DRD3: variants seen among roughly 807,000 people sequenced by gnomAD.
DRD3 encodes the protein D(3) dopamine receptor.
Under a neutral mutation model 36.3 loss-of-function variants are expected in DRD3, and 19 were observed. The ratio of observed to expected loss-of-function variants is 0.52; its 90% confidence interval spans 0.36 to 0.77. The LOEUF (loss-of-function observed/expected upper bound fraction) is 0.77, where lower values mean the gene tolerates loss of function less well. Ranked by LOEUF, DRD3 falls within the 30% of genes least tolerant of loss-of-function variation. The pLI, the probability that DRD3 is intolerant of heterozygous loss-of-function variation, is 0.00. For missense variants in DRD3, 465 were observed against 505.3 expected (o/e 0.92, Z 0.77); for synonymous variants, 195 against 203.7 (o/e 0.96, Z 0.36).
chr3:114,179,535 A>G (rs995850677), upstream of DRD3, among the ~76,000 whole-genome samples: 1 of 152,168 alleles, frequency 6.6e-6, no homozygotes, highest in African/African-American at 2.4e-5. Flanking sequence ...ACCTTTTTTA[A>G]AACTGGTTTG....
chr3:114,189,191 G>A (rs573667422), intron 1 of DRD3, among the ~76,000 whole-genome samples: 1 of 152,204 alleles, frequency 6.6e-6, no homozygotes, highest in East Asian at 1.9e-4. Context: ...TTTTAATCCA[G>A]CCTATATCGT....
chr3:114,176,463 C>T (rs918647740), intron 1 of DRD3, among the ~76,000 whole-genome samples: 19 of 151,920 alleles, frequency 1.3e-4, no homozygotes, highest in Admixed American at 1.2e-3. Context: ...AAATTAGCTG[C>T]GTGTGATGCC....
chr3:114,164,006 A>G (rs975089337), intron 2 of DRD3, among the ~76,000 whole-genome samples: 5 of 151,920 alleles, frequency 3.3e-5, no homozygotes, highest in South Asian at 2.1e-4. Context: ...GGATAACTTG[A>G]GGTCAGGAGT....
intron 1 of DRD3, among the ~76,000 whole-genome samples, chr3:114,178,010 C>T (rs895972226): frequency 2.6e-5 from 4 of 152,132 alleles, no homozygotes; most frequent in Non-Finnish European, 5.9e-5. Context: ...TTCAATTAAA[C>T]TAAATGCATG....
At chr3:114,168,974 T>A (rs1463370204) in intron 2 of DRD3, among the ~76,000 whole-genome samples, 1 of 151,472 alleles carries the variant, frequency 6.6e-6, no homozygotes, top group Non-Finnish European at 1.5e-5. Flanking sequence ...CATGTACATC[T>A]TATCTTCCTG....
intron 1 of DRD3, among the ~76,000 whole-genome samples, chr3:114,190,464 T>A (rs12638566): frequency 0.033 from 237 of 7,100 alleles, 1 homozygote; most frequent in East Asian, 0.048. Context: ...ATATATATAT[T>A]TTTTTTTTTT....
At chr3:114,189,943 A>T (rs2077995167) in intron 1 of DRD3, among the ~76,000 whole-genome samples, 1 of 152,146 alleles carries the variant, frequency 6.6e-6, no homozygotes, top group Non-Finnish European at 1.5e-5. Flanking sequence ...ATGCACATAA[A>T]CACCTTGTCA....
Position 114,198,470 on chromosome 3 carries a change from C to T in DRD3, c.-156+803G>A, listed in dbSNP as rs552667153. On this transcript the variant is annotated intron_variant, in intron 1 of 7. Transcript: ENST00000460779. The stretch of plus-strand genomic sequence containing the variant: ...AATTTCAATTTCCAATTGCTTGTTG[C>T]TATTATATAGAAATACAATTGCTTT... Among the ~76,000 whole-genome samples, 5 of 152,102 alleles carry T rather than the reference C, an allele frequency of 3.3e-5. 1 individual carries two copies. The South Asian group carries it at 8.3e-4, about 25-fold the overall frequency.
intron 1 of DRD3, among the ~76,000 whole-genome samples, chr3:114,187,119 T>C (rs2077979944): frequency 6.6e-6 from 1 of 152,258 alleles, no homozygotes. Flanking sequence ...AGAGGCACTT[T>C]AACTTTTTCA....
chr3:114,170,557 C>CT (rs767047836), intron 2 of DRD3, among the ~76,000 whole-genome samples: 36 of 152,260 alleles, frequency 2.4e-4, no homozygotes, highest in Admixed American at 1.3e-3. Flanking sequence ...ATCTACACAG[C>CT]CTAGTTGTTT....
chr3:114,132,962 TGTG>T (rs1224635216), intron 5 of DRD3, among the ~76,000 whole-genome samples: 2 of 152,010 alleles, frequency 1.3e-5, no homozygotes. Flanking sequence ...GATGTGGTAT[TGTG>T]GTTATGTGTC....
At chr3:114,167,428 G>A (rs2077796459) in intron 2 of DRD3, among the ~76,000 whole-genome samples, 1 of 152,190 alleles carries the variant, frequency 6.6e-6, no homozygotes, top group African/African-American at 2.4e-5. Context: ...AACTATTTGG[G>A]ATGGTACAGA....
chr3:114,166,681 AC>A (rs2107876651), intron 2 of DRD3, among the ~76,000 whole-genome samples: 1 of 152,094 alleles, frequency 6.6e-6, no homozygotes, highest in South Asian at 2.1e-4. Context: ...GGATTAACAC[AC>A]CCCCTAATGA....
At chr3:114,164,614 T>C (rs2077765337) in intron 2 of DRD3, among the ~76,000 whole-genome samples, 1 of 152,160 alleles carries the variant, frequency 6.6e-6, no homozygotes, top group Non-Finnish European at 1.5e-5. Flanking sequence ...TGGGAAACAC[T>C]GGTCTGGGGT....
chr3:114,193,447 A>G (rs549999180), intron 1 of DRD3, among the ~76,000 whole-genome samples: 4 of 152,354 alleles, frequency 2.6e-5, no homozygotes, highest in Non-Finnish European at 5.9e-5. Context: ...GGGGTCAGAG[A>G]CAGCGTCTGA....
intron 5 of DRD3, among the ~76,000 whole-genome samples, chr3:114,132,890 G>T (rs527750808): frequency 6.6e-6 from 1 of 152,146 alleles, no homozygotes; most frequent in South Asian, 2.1e-4. Context: ...CAAGACAATT[G>T]GGGAAATTTG....
intron 3 of DRD3, among the ~76,000 whole-genome samples, chr3:114,156,369 T>C (rs2077667407): frequency 6.6e-6 from 1 of 152,174 alleles, no homozygotes; most frequent in Admixed American, 6.5e-5. Flanking sequence ...GGTGATCTCT[T>C]CTTGACAGCA....
chr3:114,180,098 A>G (rs1316188516), upstream of DRD3, among the ~76,000 whole-genome samples: 2 of 152,180 alleles, frequency 1.3e-5, no homozygotes, highest in African/African-American at 4.8e-5. Flanking sequence ...CCACTATGGT[A>G]TAGTCTTCCA....
At chr3:114,169,917 A>G (rs887954094) in intron 2 of DRD3, among the ~76,000 whole-genome samples, 3 of 152,296 alleles carry the variant, frequency 2.0e-5, no homozygotes, top group Middle Eastern at 3.4e-3. Flanking sequence ...TACAGACACC[A>G]AAAGCCTGGT....
Sources: gnomAD v4.1 joint callset for allele counts (sites outside exome capture counted in the v4.1 genomes callset) on GRCh38, gnomAD v4.1.1 for gene constraint, MANE v1.5 for transcripts, NCBI Gene and HGNC (gene_info 2026-07-23, HGNC 2026-07-21) for gene names.